Variants in ALAS1 observed in about 807,000 individuals in gnomAD.
The protein encoded by ALAS1 is 5'-aminolevulinate synthase 1.
ALAS1 carries 29 observed loss-of-function variants against 59.6 expected under a neutral mutation model. That is an observed-to-expected ratio of 0.49 (90% confidence interval 0.36 to 0.66). The LOEUF (loss-of-function observed/expected upper bound fraction) is 0.66, where lower values mean the gene tolerates loss of function less well. Ranked by LOEUF, ALAS1 falls within the 30% of genes least tolerant of loss-of-function variation. The probability of loss-of-function intolerance (pLI) is 0.00; values close to 1 mark genes in which losing one functional copy is unlikely to be tolerated. For missense variants in ALAS1, 690 were observed against 807.5 expected, an observed-to-expected ratio of 0.85 and a Z score of 1.76; for synonymous variants, 299 against 296.6, an observed-to-expected ratio of 1.01 and a Z score of -0.08.
intron 11 of ALAS1, among the ~76,000 whole-genome samples, chr3:52,212,945 G>T (rs537165233): frequency 2.0e-5 from 3 of 152,112 alleles, no homozygotes; most frequent in African/African-American, 4.8e-5. Context: ...GAGCTCTGAG[G>T]GAGCCTGGGA....
chr3:52,211,288 G>A lies in ALAS1; in HGVS notation c.1336G>A (p.Ala446Thr), dbSNP rs1373551880. The A allele has an allele frequency of 1.2e-6, 2 of 1,612,886 alleles. No individual in the cohort carries two copies. Among genetic ancestry groups the A allele is most frequent in the Non-Finnish European group, 8.5e-7 (1 of 1,179,148 alleles). Residue 446 changes from alanine (A) to threonine (T), a missense_variant, in exon 10 of 12, where the codon GCC (alanine) becomes ACC (threonine). Coordinates refer to ENST00000484952, the MANE Select transcript of ALAS1 (RefSeq NM_000688.6). Reference protein sequence around the residue: ...MDIISGTLGKAFGCVGGYIAS... With the variant: ...MDIISGTLGKTFGCVGGYIAS... ...ATGAAGCTATCTCCTCCCAGGCAAAGCCTTTGGTTGTGTTGGAGGGTACAT... is the reference window on the plus strand; with the variant it reads ...ATGAAGCTATCTCCTCCCAGGCAAAACCTTTGGTTGTGTTGGAGGGTACAT...
chr3:52,208,397 C>G, intron 9 of ALAS1, 150 bp downstream of exon 9: 1 of 835,406 alleles, frequency 1.2e-6, no homozygotes, highest in South Asian at 1.7e-5. Context: ...AGTGGAATCC[C>G]TTGGGTCATG....
At chr3:52,206,077 C>T in intron 7 of ALAS1, 54 bp downstream of exon 7, 1 of 1,464,346 alleles carries the variant, frequency 6.8e-7, no homozygotes, top group South Asian at 1.3e-5. Flanking sequence ...TTAGTAATAA[C>T]AAGAATATTG....
At chr3:52,206,411 G>A (rs1310235541) in intron 7 of ALAS1, among the ~76,000 whole-genome samples, 161 bp from the exon 8 acceptor site, 2 of 152,212 alleles carry the variant, frequency 1.3e-5, no homozygotes, top group South Asian at 2.1e-4. Context: ...CACAAGGGAA[G>A]CACTAACTAG....
intron 9 of ALAS1, 96 bp downstream of exon 9, chr3:52,208,343 G>A (rs1699337266): frequency 7.3e-7 from 1 of 1,373,472 alleles, no homozygotes; most frequent in Admixed American, 2.0e-5. Flanking sequence ...GAGACAGCCT[G>A]ACAGCATATG....
chr3:52,213,375 A>C (rs1699452250), intron 11 of ALAS1, among the ~76,000 whole-genome samples: 2 of 152,200 alleles, frequency 1.3e-5, no homozygotes, highest in Admixed American at 6.5e-5. Flanking sequence ...GTGTTGGAGC[A>C]GCTTCTTCCC....
intron 4 of ALAS1, 70 bp from the exon 5 acceptor site, chr3:52,203,793 A>G (rs1699237915): frequency 6.8e-7 from 1 of 1,481,006 alleles, no homozygotes; most frequent in Non-Finnish European, 9.0e-7. Context: ...TTTTGACAAT[A>G]TGTTTGGAAG....
intron 3 of ALAS1, 59 bp downstream of exon 3, chr3:52,199,499 G>C: frequency 2.0e-6 from 3 of 1,523,020 alleles, no homozygotes; most frequent in Non-Finnish European, 2.7e-6. Context: ...TGGTAGACTA[G>C]AAGCAGTCCC....
rs1237980776 is a variant in ALAS1, at chr3:52,208,322, G to C, written c.1330+75G>C. 2.6e-6 allele frequency: 4 copies of C among 1,542,308 alleles called. No individual in the cohort carries two copies. In the African/African-American group the frequency reaches 5.5e-5, roughly 21 times the overall value. On this transcript the variant is annotated intron_variant, in intron 9 of 11. Coordinates refer to ENST00000484952, the MANE Select transcript of ALAS1 (RefSeq NM_000688.6). ...GCCAAGGACTAACTAGTCTAACTGG[G>C]ATCAGGTGAGGAGACAGCCTGACAG...
intron 9 of ALAS1, among the ~76,000 whole-genome samples, chr3:52,208,533 C>G (rs1230643213): frequency 6.6e-6 from 1 of 152,236 alleles, no homozygotes; most frequent in African/African-American, 2.4e-5. Flanking sequence ...AGAGCCTGTA[C>G]TCTCTGTGCC....
intron 8 of ALAS1, among the ~76,000 whole-genome samples, 185 bp downstream of exon 8, chr3:52,206,936 G>A (rs577482290): frequency 5.9e-5 from 9 of 151,864 alleles, no homozygotes; most frequent in Non-Finnish European, 1.0e-4. Flanking sequence ...CCGGGTTCAC[G>A]TCATTCTCCT....
chr3:52,210,624 T>C (rs1699385147), intron 9 of ALAS1, among the ~76,000 whole-genome samples: 1 of 151,852 alleles, frequency 6.6e-6, no homozygotes, highest in Admixed American at 6.6e-5. Context: ...AAAATAAAAA[T>C]TTAAAAAATC....
chr3:52,208,349 A>G (rs1306506779), intron 9 of ALAS1, 102 bp downstream of exon 9: 2 of 1,322,278 alleles, frequency 1.5e-6, no homozygotes, highest in Non-Finnish European at 2.1e-6. Flanking sequence ...GCCTGACAGC[A>G]TATGAAGCCT....
At chr3:52,200,243 TTG>T (rs1161458768) in intron 3 of ALAS1, among the ~76,000 whole-genome samples, 1 of 152,186 alleles carries the variant, frequency 6.6e-6, no homozygotes, top group Non-Finnish European at 1.5e-5. Context: ...ATTCATATTG[TTG>T]TGTCACCACC....
intron 4 of ALAS1, among the ~76,000 whole-genome samples, 189 bp from the exon 5 acceptor site, chr3:52,203,674 C>G (rs542132979): frequency 6.6e-6 from 1 of 152,288 alleles, no homozygotes; most frequent in Admixed American, 6.5e-5. Flanking sequence ...GAAAACAACA[C>G]CAAGAGTCTG....
intron 3 of ALAS1, among the ~76,000 whole-genome samples, chr3:52,200,536 G>A (rs531202643): frequency 2.6e-5 from 4 of 152,264 alleles, no homozygotes; most frequent in South Asian, 2.1e-4. Context: ...CCAGGAGTTC[G>A]AGACCAGCCT....
At position 52,204,766 on chromosome 3, in the gene ALAS1, A is replaced by G; in HGVS notation, c.651A>G (p.Arg217=). 6.2e-7 allele frequency: 1 copy of G among 1,614,178 alleles called. No homozygotes were observed. The part of the protein sequence containing the change: ...IDEKKNDHTY[R]VFKTVNRRAH... ...AGAAAAAGAATGACCACACCTATCG[A>G]GTTTTTAAAACTGTGAACCGGCGAG... The change falls in exon 6 of 12, where the codon CGA becomes CGG. Residue 217 remains arginine, a synonymous_variant. Transcript: ENST00000484952.
At position 52,198,813 on chromosome 3, in the gene ALAS1, G is replaced by A. The variant is rs1577958668; in HGVS notation, c.-68G>A. 6.5e-7 allele frequency: 1 copy of A among 1,535,562 alleles called. No homozygotes were observed. The highest frequency in any genetic ancestry group is 1.2e-5 in the South Asian group (1 of 84,070). ...GTCAGGATCCCTAAGAGTCTTCCCT[G>A]CCTGGATGGATGAGTGGCTTCTTCT... On this transcript the variant is annotated 5_prime_UTR_variant, in exon 2 of 12. Transcript: ENST00000484952.
At chr3:52,206,416 A>C (rs1699292360) in intron 7 of ALAS1, among the ~76,000 whole-genome samples, 156 bp from the exon 8 acceptor site, 1 of 152,204 alleles carries the variant, frequency 6.6e-6, no homozygotes, top group Admixed American at 6.5e-5. Flanking sequence ...GGGAAGCACT[A>C]ACTAGTTATT....
Sources: gnomAD v4.1 joint callset for allele counts (sites outside exome capture counted in the v4.1 genomes callset) on GRCh38, gnomAD v4.1.1 for gene constraint, MANE v1.5 for transcripts, NCBI Gene and HGNC (gene_info 2026-07-23, HGNC 2026-07-21) for gene names.